The following TAS2R1 variants were observed in gnomAD, a reference collection of about 807,000 sequenced individuals.
TAS2R1 encodes the protein taste 2 receptor member 1.
For synonymous variants in TAS2R1, 141 were observed against 134.2 expected (o/e 1.05, Z -0.35); for missense variants, 370 against 353.4 (o/e 1.05, Z -0.38).
At chr5:9,667,955 T>C (rs897697938) in intron 1 of TAS2R1, among the ~76,000 whole-genome samples, 1 of 152,098 alleles carries the variant, frequency 6.6e-6, no homozygotes, top group African/African-American at 2.4e-5. Context: ...ATTTAGAATA[T>C]GGATAAGAAC....
chr5:9,725,693 C>T, the TAS2R1 span, among the ~76,000 whole-genome samples: 268 of 152,326 alleles, frequency 1.8e-3, no homozygotes, highest in African/African-American at 6.2e-3. Context: ...CCACCGACCA[C>T]CCAAGGGCTG....
the TAS2R1 span, among the ~76,000 whole-genome samples, chr5:9,899,551 T>A: frequency 6.6e-6 from 1 of 151,260 alleles, no homozygotes; most frequent in Non-Finnish European, 1.5e-5. Context: ...GCAGAAGAAT[T>A]GCTTGAACCC....
At chr5:9,901,982 G>A in the TAS2R1 span, among the ~76,000 whole-genome samples, 39 of 152,154 alleles carry the variant, frequency 2.6e-4, no homozygotes, top group East Asian at 7.7e-4. Context: ...TAGTGGACTC[G>A]CTGGACTGCA....
intron 1 of TAS2R1, among the ~76,000 whole-genome samples, chr5:9,705,861 C>G (rs1198007171): frequency 6.7e-6 from 1 of 148,906 alleles, no homozygotes; most frequent in African/African-American, 2.4e-5. Context: ...AAACTCCATC[C>G]CCCCCCAAAA....
chr5:9,714,690 C>G (rs1275462771), upstream of TAS2R1, among the ~76,000 whole-genome samples: 1 of 152,188 alleles, frequency 6.6e-6, no homozygotes, highest in East Asian at 1.9e-4. Flanking sequence ...TGACACTATT[C>G]CTGCTGGTTC....
intron 1 of TAS2R1, among the ~76,000 whole-genome samples, chr5:9,696,005 AAAGACAGGC>A (rs1234354289): frequency 1.3e-5 from 2 of 152,236 alleles, no homozygotes; most frequent in Non-Finnish European, 2.9e-5. Flanking sequence ...GTGCAGAAGA[AAAGACAGGC>A]AAGACAGAAA....
the TAS2R1 span, among the ~76,000 whole-genome samples, chr5:9,760,020 G>T: frequency 4.6e-5 from 7 of 152,016 alleles, no homozygotes; most frequent in Non-Finnish European, 1.0e-4. Flanking sequence ...CTTAAAGAGG[G>T]GTCATAACTA....
the TAS2R1 span, among the ~76,000 whole-genome samples, chr5:9,787,862 G>T: frequency 1.3e-5 from 2 of 152,354 alleles, no homozygotes; most frequent in South Asian, 4.1e-4. Context: ...TGAAGTTCTT[G>T]TCCAGGGTGT....
chr5:9,893,302 C>T, the TAS2R1 span, among the ~76,000 whole-genome samples: 1 of 151,204 alleles, frequency 6.6e-6, no homozygotes, highest in East Asian at 1.9e-4. Context: ...CCTCCCGTGG[C>T]CGGGCTTTCT....
At chr5:9,806,768 A>G in the TAS2R1 span, among the ~76,000 whole-genome samples, 3 of 152,172 alleles carry the variant, frequency 2.0e-5, no homozygotes, top group African/African-American at 7.2e-5. Context: ...TCAAAGACTT[A>G]GATCTATGAC....
At chr5:9,891,190 A>G in the TAS2R1 span, among the ~76,000 whole-genome samples, 2 of 152,202 alleles carry the variant, frequency 1.3e-5, no homozygotes, top group African/African-American at 2.4e-5. Context: ...CCAGCCACAC[A>G]TCTGGAAAAC....
chr5:9,702,365 G>A (rs1741505776), intron 1 of TAS2R1, among the ~76,000 whole-genome samples: 1 of 152,134 alleles, frequency 6.6e-6, no homozygotes, highest in Non-Finnish European at 1.5e-5. Context: ...CACACTGGTT[G>A]GGGGAGAGGG....
chr5:9,777,703 T>A, the TAS2R1 span, among the ~76,000 whole-genome samples: 2 of 152,220 alleles, frequency 1.3e-5, no homozygotes, highest in African/African-American at 4.8e-5. Flanking sequence ...ATCACAGTAA[T>A]CACTATCTAT....
intron 2 of TAS2R1, among the ~76,000 whole-genome samples, chr5:9,636,684 T>C (rs1271510507): frequency 6.6e-6 from 1 of 152,146 alleles, no homozygotes; most frequent in Non-Finnish European, 1.5e-5. Flanking sequence ...ATAATGTCCC[T>C]TTTTGTCTCT....
At chr5:9,851,999 A>G in the TAS2R1 span, among the ~76,000 whole-genome samples, 211 of 152,352 alleles carry the variant, frequency 1.4e-3, no homozygotes, top group African/African-American at 4.8e-3. Context: ...TTGAAAAAGA[A>G]TAAGAGAGAA....
the TAS2R1 span, among the ~76,000 whole-genome samples, chr5:9,746,651 C>T: frequency 6.6e-6 from 1 of 152,166 alleles, no homozygotes; most frequent in Non-Finnish European, 1.5e-5. Flanking sequence ...TCATTCTCAG[C>T]AAACTAACAC....
intron 1 of TAS2R1, among the ~76,000 whole-genome samples, chr5:9,661,713 A>G (rs1740534917): frequency 6.6e-6 from 1 of 152,218 alleles, no homozygotes; most frequent in Admixed American, 6.5e-5. Flanking sequence ...CGAAAACTAG[A>G]TCACATTCCT....
At chr5:9,874,576 A>G in the TAS2R1 span, among the ~76,000 whole-genome samples, 14 of 152,336 alleles carry the variant, frequency 9.2e-5, no homozygotes, top group Admixed American at 7.8e-4. Context: ...TATCTCCTTC[A>G]GGTGGCAAGA....
At chr5:9,766,124 A>G in the TAS2R1 span, among the ~76,000 whole-genome samples, 1 of 152,224 alleles carries the variant, frequency 6.6e-6, no homozygotes, top group Non-Finnish European at 1.5e-5. Context: ...AAGATCTTGT[A>G]ATGCATTTTT....
Sources: gnomAD v4.1 joint callset for allele counts (sites outside exome capture counted in the v4.1 genomes callset) on GRCh38, gnomAD v4.1.1 for gene constraint, MANE v1.5 for transcripts, NCBI Gene and HGNC (gene_info 2026-07-23, HGNC 2026-07-21) for gene names.